Variants in SI observed in about 807,000 individuals in gnomAD.
SI encodes the protein sucrase-isomaltase.
SI carries 235 observed loss-of-function variants against 253.3 expected under a neutral mutation model. That is an observed-to-expected ratio of 0.93 (90% confidence interval 0.83 to 1.03). The LOEUF (loss-of-function observed/expected upper bound fraction) is 1.03, where lower values mean the gene tolerates loss of function less well. Ranked by LOEUF, SI falls within the 50% of genes least tolerant of loss-of-function variation. The pLI is 0.00. For synonymous variants in SI, 819 were observed against 712.0 expected (o/e 1.15, Z -2.39); for missense variants, 2,442 against 2,211.1 (o/e 1.10, Z -2.09).
intron 29 of SI, 23 bp from the exon 30 acceptor site, chr3:165,017,896 C>G: frequency 6.3e-7 from 1 of 1,590,100 alleles, no homozygotes. Flanking sequence ...AATAACATCC[C>G]ATTTTCATCT....
intron 27 of SI, among the ~76,000 whole-genome samples, chr3:165,020,508 A>T (rs2108181600): frequency 6.6e-6 from 1 of 151,756 alleles, no homozygotes; most frequent in Non-Finnish European, 1.5e-5. Context: ...GCACCAGGAT[A>T]TTTTTATAAA....
intron 13 of SI, among the ~76,000 whole-genome samples, chr3:165,053,799 CCTAA>C (rs760104046): frequency 6.6e-5 from 10 of 151,876 alleles, no homozygotes; most frequent in Non-Finnish European, 1.0e-4. Context: ...CAAAGTGGCT[CCTAA>C]CTAAGAAAAA....
intron 40 of SI, among the ~76,000 whole-genome samples, chr3:164,995,332 G>A (rs1482614986): frequency 2.0e-5 from 3 of 151,562 alleles, no homozygotes; most frequent in Non-Finnish European, 4.4e-5. Context: ...CCTATTGCTG[G>A]TATTTCCAAA....
intron 15 of SI, among the ~76,000 whole-genome samples, chr3:165,047,401 T>C (rs1713182214): frequency 6.6e-6 from 1 of 152,100 alleles, no homozygotes; most frequent in South Asian, 2.1e-4. Flanking sequence ...GTAAATCCAA[T>C]AAACCTCCTT....
At chr3:165,017,522 C>A (rs758160262) in intron 31 of SI, 26 bp downstream of exon 31, 8 of 1,600,422 alleles carry the variant, frequency 5.0e-6, no homozygotes, top group Non-Finnish European at 3.4e-6. Context: ...CCATATTTAA[C>A]ATTGTTTTAA....
At chr3:165,069,258 T>A (rs1714418998) in intron 3 of SI, 63 bp from the exon 4 acceptor site, 8 of 1,087,248 alleles carry the variant, frequency 7.4e-6, no homozygotes, top group Non-Finnish European at 1.1e-5. Flanking sequence ...CCAGTCTCTG[T>A]TTTTCCAAGG....
At chr3:165,030,380 C>A (rs1238315992) in intron 25 of SI, among the ~76,000 whole-genome samples, 1 of 150,878 alleles carries the variant, frequency 6.6e-6, no homozygotes, top group Non-Finnish European at 1.5e-5. Flanking sequence ...ACTGGCATAT[C>A]TTACCCAAAC....
At chr3:165,024,268 T>G (rs1427124396) in intron 25 of SI, among the ~76,000 whole-genome samples, 4 of 151,350 alleles carry the variant, frequency 2.6e-5, no homozygotes, top group African/African-American at 9.7e-5. Context: ...TGACCTGGAT[T>G]TGAAATAGGA....
chr3:165,086,936 G>C, the SI span, among the ~76,000 whole-genome samples: 2 of 152,126 alleles, frequency 1.3e-5, no homozygotes, highest in East Asian at 3.9e-4. Context: ...ACTGGGTGGA[G>C]AGTTTTGTGA....
intron 36 of SI, 137 bp from the exon 37 acceptor site, chr3:165,007,091 A>G (rs1211753000): frequency 1.5e-6 from 1 of 662,934 alleles, no homozygotes; most frequent in Non-Finnish European, 2.5e-6. Context: ...AACCATTTGT[A>G]TACTTTGTAT....
chr3:165,007,524 A>G (rs1353782890), intron 36 of SI, among the ~76,000 whole-genome samples: 1 of 152,006 alleles, frequency 6.6e-6, no homozygotes, highest in East Asian at 1.9e-4. Flanking sequence ...TTCCTTTCAA[A>G]ATAATTTTAT....
At chr3:165,023,543 C>T (rs1711739859) in intron 26 of SI, 27 bp downstream of exon 26, 1 of 1,495,358 alleles carries the variant, frequency 6.7e-7, no homozygotes, top group Admixed American at 1.7e-5. Context: ...ATGAGTTAAG[C>T]TTTGGGGTAG....
intron 41 of SI, 126 bp from the exon 42 acceptor site, chr3:164,992,523 A>G (rs988188129): frequency 9.0e-6 from 6 of 668,624 alleles, no homozygotes; most frequent in Middle Eastern, 4.2e-4. Context: ...ACAAAACTGT[A>G]AAAAAATTAA....
At chr3:165,014,553 T>C (rs1718936505) in intron 33 of SI, among the ~76,000 whole-genome samples, 2 of 152,140 alleles carry the variant, frequency 1.3e-5, no homozygotes, top group Non-Finnish European at 2.9e-5. Context: ...CTGGCCCTCA[T>C]CATAGATTTT....
chr3:165,006,450 T>G (rs1296992499), intron 37 of SI, among the ~76,000 whole-genome samples: 1 of 152,198 alleles, frequency 6.6e-6, no homozygotes. Context: ...AAATGTTTGA[T>G]GCTTTATGTC....
chr3:165,067,221 C>A (rs1560016507), intron 6 of SI, 119 bp downstream of exon 6: 1 of 716,526 alleles, frequency 1.4e-6, no homozygotes, highest in Non-Finnish European at 2.3e-6. Flanking sequence ...TTTTATAAAC[C>A]TATCCACCTA....
At chr3:165,009,497 G>A (rs1718671906) in intron 34 of SI, 102 bp from the exon 35 acceptor site, 2 of 728,280 alleles carry the variant, frequency 2.7e-6, no homozygotes, top group African/African-American at 1.8e-5. Context: ...ATGTATGACT[G>A]ATAATGAAGG....
intron 3 of SI, among the ~76,000 whole-genome samples, chr3:165,070,277 G>A (rs1441423591): frequency 5.3e-5 from 7 of 131,684 alleles, no homozygotes; most frequent in Admixed American, 8.8e-5. Context: ...ATACATATAT[G>A]ATTATATACA....
Position 165,067,402 on chromosome 3 carries a change from A to T in SI, c.573T>A (p.Asp191Glu). Residue 191 changes from aspartate to glutamate, a missense_variant, in exon 6 of 48, where the codon GAT becomes GAA. Coordinates refer to ENST00000264382, the MANE Select transcript of SI (RefSeq NM_001041.4). Reference sequence around the variant, plus strand: ...TAAATGGGTTTTGGGCAACCTTCACATCATACAACGTATCAGAAACTGTGG... The same window carrying T: ...TAAATGGGTTTTGGGCAACCTTCACTTCATACAACGTATCAGAAACTGTGG... Reference protein sequence around the residue: ...TGPTVSDTLYDVKVAQNPFSI... With the variant: ...TGPTVSDTLYEVKVAQNPFSI... 6.2e-7 allele frequency: 1 copy of T among 1,612,738 alleles called. No homozygotes were observed. Among genetic ancestry groups the T allele is most frequent in the East Asian group, 2.2e-5 (1 of 44,726 alleles).
Sources: allele counts gnomAD v4.1 joint callset (sites outside exome capture counted in the v4.1 genomes callset), GRCh38; gene constraint gnomAD v4.1.1; transcripts MANE v1.5; gene names NCBI Gene and HGNC (gene_info 2026-07-23, HGNC 2026-07-21).